Variants in CPAMD8 observed in about 807,000 individuals in gnomAD.
CPAMD8 encodes the protein C3 and PZP-like alpha-2-macroglobulin domain-containing protein 8.
CPAMD8 carries 146 observed loss-of-function variants against 224.7 expected under a neutral mutation model. The observed-to-expected ratio is 0.65, with a 90% CI of 0.57 to 0.75. The LOEUF (loss-of-function observed/expected upper bound fraction) is 0.75. CPAMD8 is among the 30% of genes least tolerant of loss of function. The pLI is 0.00. For synonymous variants in CPAMD8, 966 were observed against 1,044.6 expected (o/e 0.92, Z 1.45); for missense variants, 2,301 against 2,537.5 (o/e 0.91, Z 2.00).
chr19:17,003,857 A>T (rs2056407253), intron 8 of CPAMD8, among the ~76,000 whole-genome samples: 1 of 148,918 alleles, frequency 6.7e-6, no homozygotes, highest in African/African-American at 2.5e-5. Context: ...GTAAACGGGG[A>T]CTCATGTCAT....
At chr19:16,957,308 T>G (rs957314770) in intron 19 of CPAMD8, among the ~76,000 whole-genome samples, 1 of 152,228 alleles carries the variant, frequency 6.6e-6, no homozygotes, top group Non-Finnish European at 1.5e-5. Context: ...CAAACTGGTT[T>G]GCCGGGGCAC....
Position 16,893,212 on chromosome 19 carries a change from C to T in CPAMD8, c.5554G>A (p.Ala1852Thr), listed in dbSNP as rs375776520. 45 of 1,590,690 alleles carry T rather than the reference C, an allele frequency of 2.8e-5. No individual in the cohort carries two copies. The highest frequency in any genetic ancestry group is 1.7e-5 in the Non-Finnish European group (20 of 1,166,480). The change falls in exon 42 of 42, where the codon GCC becomes ACC. Residue 1852 changes from alanine (A) to threonine (T), a missense_variant. Ala to Thr is a moderately conservative substitution (Grantham distance 58). This residue lies in a region of CPAMD8 where 1,709 missense variants were observed against 1,753.2 expected (regional missense o/e 0.97). Transcript: ENST00000443236. ...PQRHSGRVVG[A>T]HRPGLLSPVF... Reference sequence around the variant, plus strand: ...GGGCTCAGAAGCCCTGGCCTGTGGGCCCCCACCACCCGGCCACTATGTCTC... The same window carrying T: ...GGGCTCAGAAGCCCTGGCCTGTGGGTCCCCACCACCCGGCCACTATGTCTC...
chr19:16,930,366 C>T (rs1186538656), intron 23 of CPAMD8, among the ~76,000 whole-genome samples: 1 of 151,952 alleles, frequency 6.6e-6, no homozygotes, highest in Non-Finnish European at 1.5e-5. Flanking sequence ...TATCAGGAAA[C>T]ATAAATGCAC....
intron 32 of CPAMD8, among the ~76,000 whole-genome samples, 177 bp from the exon 33 acceptor site, chr19:16,904,034 CCAGAGG>C (rs2052369486): frequency 6.6e-6 from 1 of 152,186 alleles, no homozygotes; most frequent in Non-Finnish European, 1.5e-5. Context: ...TGGTGTGTCC[CCAGAGG>C]CAGAGGCTGG....
At chr19:17,023,073 C>G (rs73928424) in intron 1 of CPAMD8, among the ~76,000 whole-genome samples, 32 of 152,260 alleles carry the variant, frequency 2.1e-4, no homozygotes, top group African/African-American at 7.2e-4. Context: ...TTGCAACATT[C>G]ATTTTAAGAA....
At chr19:16,908,956 C>T (rs2052623632) in intron 29 of CPAMD8, among the ~76,000 whole-genome samples, 1 of 152,162 alleles carries the variant, frequency 6.6e-6, no homozygotes, top group African/African-American at 2.4e-5. Context: ...GCGGAGACCA[C>T]ACCAAGCAGG....
In CPAMD8 at chr19:16,997,326, G is replaced by C; in HGVS notation, c.880C>G (p.Arg294Gly). The stretch of plus-strand genomic sequence containing the variant: ...TCCCTCACGCAGATGTCGAAGTCCC[G>C]GGAGCCGAGGATCTGGAGGGAGGAA... ...VLRTTKILGS[R>G]DFDICVRDMI... Residue 294 changes from arginine to glycine, a missense_variant, in exon 11 of 42, where the codon CGG becomes GGG. Coordinates refer to ENST00000443236, the MANE Select transcript of CPAMD8 (RefSeq NM_015692.5). 1 of 1,566,492 alleles carries C rather than the reference G, an allele frequency of 6.4e-7. No homozygotes were observed. The highest frequency in any genetic ancestry group is 8.7e-7 in the Non-Finnish European group (1 of 1,147,532).
chr19:16,898,961 C>T lies in CPAMD8; in HGVS notation c.4848+514G>A, dbSNP rs1436474055. ...AGGTCTTGCAGGTCTTGCTCTGTCA[C>T]CCAAGCTGGAGTGCAGTGGCACAAT... On this transcript the variant is annotated intron_variant, in intron 37 of 41. Transcript: ENST00000443236. The surrounding 1 kb of genome is among the most constrained non-coding windows in gnomAD (Gnocchi z 4.2). 1.3e-5 allele frequency among the ~76,000 whole-genome samples: 2 copies of T among 152,028 alleles called. No individual in the cohort carries two copies. The highest frequency in any genetic ancestry group is 2.9e-5 in the Non-Finnish European group (2 of 68,014).
intron 23 of CPAMD8, among the ~76,000 whole-genome samples, chr19:16,937,996 A>G (rs746446785): frequency 6.6e-5 from 10 of 152,178 alleles, no homozygotes; most frequent in Non-Finnish European, 1.0e-4. Flanking sequence ...CACGTTGGCC[A>G]GGCTGGTCTC....
At chr19:16,906,362 CTT>C (rs2052489079) in intron 30 of CPAMD8, among the ~76,000 whole-genome samples, 1 of 48,414 alleles carries the variant, frequency 2.1e-5, no homozygotes, top group East Asian at 4.2e-4. Flanking sequence ...TTCTTTCTTT[CTT>C]TCTTTCTTTC....
At position 16,951,854 on chromosome 19, in the gene CPAMD8, G is replaced by A. The variant is rs999631009; in HGVS notation, c.2508+115C>T. ...CCTCCTCAACATCATAGAGGCTCTC[G>A]CCCTCCTAAATCCCCCAAGCTGACA... On this transcript the variant is annotated intron_variant, in intron 20 of 41. Transcript: ENST00000443236. 27 of 687,102 alleles carry A rather than the reference G, an allele frequency of 3.9e-5. No individual in the cohort carries two copies. The African/African-American group carries it at 4.6e-4, about 12-fold the overall frequency. 42.6% of individuals were successfully genotyped at this position (687,102 alleles called of 1,614,324 possible).
At chr19:16,914,899 A>G in intron 27 of CPAMD8, 86 bp from the exon 28 acceptor site, 1 of 951,014 alleles carries the variant, frequency 1.1e-6, no homozygotes, top group Non-Finnish European at 1.6e-6. Flanking sequence ...AGCTCCTGGC[A>G]CCACCCCCGG....
chr19:16,909,106 G>A (rs1233306176), intron 29 of CPAMD8, among the ~76,000 whole-genome samples: 2 of 152,148 alleles, frequency 1.3e-5, no homozygotes, highest in African/African-American at 2.4e-5. Flanking sequence ...CGGGTTGAAC[G>A]GTGGCCCACC....
intron 3 of CPAMD8, among the ~76,000 whole-genome samples, chr19:17,016,770 G>A (rs895858297): frequency 6.6e-6 from 1 of 151,696 alleles, no homozygotes; most frequent in African/African-American, 2.4e-5. Context: ...CAAAAAGAGA[G>A]AAAGAGAGAG....
rs1343320402 is a variant in CPAMD8, at chr19:16,904,184, C to T, written c.4251+42G>A. The T allele has an allele frequency of 5.1e-6, 6 of 1,184,638 alleles. No individual in the cohort carries two copies. In the African/African-American group the frequency reaches 7.5e-5, roughly 15 times the overall value. 73.4% of individuals were successfully genotyped at this position (1,184,638 alleles called of 1,614,324 possible). ...AAACAAGGACTGCAGGGACCCCACC[C>T]ACCCAGCCCTGAGCCCCTCCCTCTG... On this transcript the variant is annotated intron_variant, in intron 32 of 41. Coordinates refer to ENST00000443236, the MANE Select transcript of CPAMD8 (RefSeq NM_015692.5).
chr19:16,895,755 G>C (rs779894249), intron 41 of CPAMD8: 11 of 370,594 alleles, frequency 3.0e-5, no homozygotes, highest in South Asian at 2.1e-4. Flanking sequence ...GGGCATTTCA[G>C]ATTTTTAGAT....
rs549230080 is a variant in CPAMD8 at position 16,976,060 on chromosome 19, G to A, written c.1850C>T (p.Ala617Val). ...CAGGTAGACACTCTTATCAACTGCG[G>A]CGACGCACACACAGCTGCCCCTTGC... ...RAARGSCVCVAAVDKSVYLLR... is the reference protein window; with the variant it reads ...RAARGSCVCVVAVDKSVYLLR... The change falls in exon 16 of 42, where the codon GCC (alanine) becomes GTC (valine). Residue 617 changes from alanine to valine, a missense_variant. Transcript: ENST00000443236. 13 of 1,611,888 alleles carry A rather than the reference G, an allele frequency of 8.1e-6. No individual in the cohort carries two copies. The highest frequency in any genetic ancestry group is 1.7e-5 in the Admixed American group (1 of 59,890).
intron 27 of CPAMD8, among the ~76,000 whole-genome samples, chr19:16,916,337 GC>G (rs2052957953): frequency 6.6e-6 from 1 of 151,974 alleles, no homozygotes; most frequent in Non-Finnish European, 1.5e-5. Context: ...TCAGGGTCAA[GC>G]AATTCTCGTG....
At chr19:16,925,167 C>A in intron 26 of CPAMD8, 29 bp downstream of exon 26, 1 of 1,611,976 alleles carries the variant, frequency 6.2e-7, no homozygotes, top group Non-Finnish European at 8.5e-7. Flanking sequence ...CTTGCTCCCA[C>A]CTCAACCCAG....
Sources: allele counts gnomAD v4.1 joint callset (sites outside exome capture counted in the v4.1 genomes callset), GRCh38; gene constraint gnomAD v4.1.1; regional missense constraint gnomAD v4.1.1; non-coding constraint Gnocchi (gnomAD v3.1); transcripts MANE v1.5; gene names NCBI Gene and HGNC (gene_info 2026-07-23, HGNC 2026-07-21).